BPIFC: variants seen among roughly 807,000 people sequenced by gnomAD.
The protein encoded by BPIFC is BPI fold-containing family C protein.
Under a neutral mutation model 57.6 loss-of-function variants are expected in BPIFC, and 60 were observed. The observed-to-expected ratio is 1.04, with a 90% CI of 0.85 to 1.29. The LOEUF (loss-of-function observed/expected upper bound fraction) is 1.29, where lower values mean the gene tolerates loss of function less well. Ranked by LOEUF, BPIFC falls within the 50% of genes most tolerant of loss-of-function variation. The pLI is 0.00. For synonymous variants in BPIFC, 243 were observed against 224.5 expected (o/e 1.08, Z -0.74); for missense variants, 581 against 600.5 (o/e 0.97, Z 0.34).
Position 32,435,770 on chromosome 22 carries a change from G to T in BPIFC, c.858C>A (p.Phe286Leu). 1 of 1,614,194 alleles carries T rather than the reference G, an allele frequency of 6.2e-7. No homozygotes were observed. Among genetic ancestry groups the T allele is most frequent in the Non-Finnish European group, 8.5e-7 (1 of 1,180,024 alleles). Residue 286 changes from phenylalanine (F) to leucine (L), a missense_variant, in exon 10 of 17, where the codon TTC (phenylalanine) becomes TTA (leucine). Coordinates refer to ENST00000300399, the MANE Select transcript of BPIFC (RefSeq NM_174932.3). The stretch of plus-strand genomic sequence containing the variant: ...AATGAGCAAAGGACGCAGATTTAAA[G>T]AAATACTCGGCGATTCCAATGTAGA... ...SMLYIGIAEY[F>L]FKSASFAHFT...
intron 4 of BPIFC, among the ~76,000 whole-genome samples, chr22:32,452,865 A>T (rs1254499975): frequency 6.6e-6 from 1 of 152,182 alleles, no homozygotes; most frequent in African/African-American, 2.4e-5. Context: ...GGACAAAGCT[A>T]TCCTCTCCTT....
intron 8 of BPIFC, among the ~76,000 whole-genome samples, chr22:32,440,448 A>C (rs1428161982): frequency 2.0e-5 from 3 of 152,154 alleles, no homozygotes; most frequent in African/African-American, 7.2e-5. Flanking sequence ...GATATTTCTT[A>C]ATCTAATGGG....
At chr22:32,459,323 G>A (rs1429393484) in intron 2 of BPIFC, among the ~76,000 whole-genome samples, 2 of 152,058 alleles carry the variant, frequency 1.3e-5, no homozygotes. Context: ...GAGCCCAGGA[G>A]TTTGAGACCA....
intron 13 of BPIFC, among the ~76,000 whole-genome samples, chr22:32,423,391 AG>A (rs1933902232): frequency 6.6e-6 from 1 of 152,138 alleles, no homozygotes; most frequent in Non-Finnish European, 1.5e-5. Context: ...AGAGTAGTTC[AG>A]AGGAAGGGTG....
At position 32,425,271 on chromosome 22, in the gene BPIFC, C is replaced by G. The variant is rs539887301; in HGVS notation, c.1218-5867G>C. On this transcript the variant is annotated intron_variant, in intron 13 of 16. Transcript: ENST00000300399. The stretch of plus-strand genomic sequence containing the variant: ...AAAATGGGGATAATAGTACCTACCT[C>G]TAGGACCGTTCATTTAATCTACTGA... Among the ~76,000 whole-genome samples, 4 of 152,242 alleles carry G rather than the reference C, an allele frequency of 2.6e-5. No individual in the cohort carries two copies. In the South Asian group the frequency reaches 8.3e-4, roughly 32 times the overall value.
intron 13 of BPIFC, among the ~76,000 whole-genome samples, chr22:32,420,179 A>G (rs974093685): frequency 3.3e-5 from 5 of 151,982 alleles, no homozygotes; most frequent in Non-Finnish European, 7.4e-5. Context: ...TTAGCAGGAC[A>G]TGGTGGTGGG....
In BPIFC at chr22:32,455,050, C is replaced by CTTTTTTTTTTTTTTT. The variant is rs1392514246; in HGVS notation, c.125-1548_125-1547insAAAAAAAAAAAAAAA. 3.7e-5 allele frequency among the ~76,000 whole-genome samples: 5 copies of CTTTTTTTTTTTTTTT among 134,146 alleles called. 1 individual carries two copies. Among genetic ancestry groups the CTTTTTTTTTTTTTTT allele is most frequent in the Non-Finnish European group, 1.6e-5 (1 of 64,020 alleles). The allele number at this position is 134,146 out of a possible 152,430, so 88.0% of individuals were successfully genotyped here. A position where few individuals can be genotyped will look rare whatever the true frequency, so the allele number is the denominator to read the frequency against. On this transcript the variant is annotated intron_variant, in intron 3 of 16. Transcript: ENST00000300399. ...GTACTATAATTTTCATTTTCATCTC[C>CTTTTTTTTTTTTTTT]ATTTTTTTTTTTTTTTTTTGAGACA...
At chr22:32,437,463 T>A (rs539568844) in intron 9 of BPIFC, among the ~76,000 whole-genome samples, 4 of 152,340 alleles carry the variant, frequency 2.6e-5, no homozygotes, top group Admixed American at 2.0e-4. Context: ...TGATCTCGGC[T>A]CACTGCAACC....
intron 15 of BPIFC, 88 bp downstream of exon 15, chr22:32,416,997 A>T: frequency 8.6e-7 from 1 of 1,158,938 alleles, no homozygotes; most frequent in Non-Finnish European, 1.3e-6. Context: ...TTCAGGGTGG[A>T]AAGTCCCAAA....
intron 1 of BPIFC, among the ~76,000 whole-genome samples, chr22:32,462,212 A>T (rs1935182381): frequency 6.6e-6 from 1 of 151,320 alleles, no homozygotes; most frequent in South Asian, 2.1e-4. Context: ...AAAAAGAAAA[A>T]AAAAAGAAAA....
chr22:32,441,764 T>A (rs536535857), intron 8 of BPIFC, among the ~76,000 whole-genome samples: 30 of 152,308 alleles, frequency 2.0e-4, no homozygotes, highest in African/African-American at 7.2e-4. Flanking sequence ...TATGTATCTG[T>A]TAAAGCAGCG....
At chr22:32,461,730 G>T (rs1935163838) in intron 1 of BPIFC, 69 bp from the exon 2 acceptor site, 7 of 750,590 alleles carry the variant, frequency 9.3e-6, no homozygotes, top group Non-Finnish European at 9.7e-6. Context: ...CAGGTTAGTG[G>T]CTGCTGACCA....
Position 32,453,507 on chromosome 22 carries a change from T to C in BPIFC, c.125-4A>G. 1 of 1,573,838 alleles carries C rather than the reference T, an allele frequency of 6.4e-7. No homozygotes were observed. The highest frequency in any genetic ancestry group is 8.6e-7 in the Non-Finnish European group (1 of 1,167,426). On this transcript the variant is annotated splice_polypyrimidine_tract_variant and splice_region_variant and intron_variant, in intron 3 of 16. Coordinates refer to ENST00000300399, the MANE Select transcript of BPIFC (RefSeq NM_174932.3). ...ATCTTCATTCCAGCTTGAACACCTG[T>C]GAAGGAAACAAGAAAGAATCTGTTG...
chr22:32,424,645 T>TCCTCCTCC (rs1569447942), intron 13 of BPIFC, among the ~76,000 whole-genome samples: 1 of 29,912 alleles, frequency 3.3e-5, no homozygotes, highest in African/African-American at 3.4e-4. Context: ...TCTTCTTCTC[T>TCCTCCTCC]TCTTCTTCTT....
At chr22:32,431,439 A>ATTTATTTATTTATTTTTATTTTTT in intron 12 of BPIFC, 25 bp from the exon 13 acceptor site, 27 of 1,343,040 alleles carry the variant, frequency 2.0e-5, no homozygotes, top group Non-Finnish European at 2.6e-5. Flanking sequence ...AGCATTTATT[A>ATTTATTTATTTATTTTTATTTTTT]TTAAGACGAG....
chr22:32,417,187 G>T, intron 14 of BPIFC, 39 bp from the exon 15 acceptor site: 1 of 1,384,892 alleles, frequency 7.2e-7, no homozygotes, highest in East Asian at 2.4e-5. Context: ...TGGCAGATCG[G>T]GCTTTTTTTT....
At chr22:32,419,631 C>A in intron 13 of BPIFC, among the ~76,000 whole-genome samples, 1 of 151,796 alleles carries the variant, frequency 6.6e-6, no homozygotes, top group East Asian at 1.9e-4. Flanking sequence ...TGGTGAAACC[C>A]TGACTCTACT....
At position 32,459,359 on chromosome 22, in the gene BPIFC, T is replaced by A. The variant is rs1425947985; in HGVS notation, c.1-1973A>T. Among the ~76,000 whole-genome samples the A allele has an allele frequency of 2.0e-5, 3 of 151,910 alleles. No individual in the cohort carries two copies. In the East Asian group the frequency reaches 5.8e-4, roughly 29 times the overall value. ...GCCTGTGGAACATGGCAGGACCCCATCTCTACAAAAAATAAAAAATAAGGC... is the reference window on the plus strand; with the variant it reads ...GCCTGTGGAACATGGCAGGACCCCAACTCTACAAAAAATAAAAAATAAGGC... On this transcript the variant is annotated intron_variant, in intron 2 of 16. Transcript: ENST00000300399.
chr22:32,432,377 T>A lies in BPIFC; in HGVS notation c.1145A>T (p.Asp382Val), dbSNP rs769444574. The stretch of plus-strand genomic sequence containing the variant: ...CCACTGTCTCCCCAGACTTACGAAG[T>A]CCATGGAAACGATGGTTTCAACTGT... ...NSTVETIVSM[D>V]FVASTSVGLV... Residue 382 changes from aspartate (D) to valine (V), a missense_variant, in exon 12 of 17, where the codon GAC becomes GTC. Asp to Val is a radical substitution (Grantham distance 152, BLOSUM62 -3). Transcript: ENST00000300399. 6.2e-7 allele frequency: 1 copy of A among 1,613,954 alleles called. No individual in the cohort carries two copies. Among genetic ancestry groups the A allele is most frequent in the African/African-American group, 1.3e-5 (1 of 75,034 alleles).
Sources: allele counts gnomAD v4.1 joint callset (sites outside exome capture counted in the v4.1 genomes callset), GRCh38; gene constraint gnomAD v4.1.1; transcripts MANE v1.5; gene names NCBI Gene and HGNC (gene_info 2026-07-23, HGNC 2026-07-21).